Variants in ATRNL1 observed in about 807,000 individuals in gnomAD.
ATRNL1 encodes attractin like 1.
In ATRNL1, 95 loss-of-function variants were observed where a neutral mutation model predicts 182.7. That is an observed-to-expected ratio of 0.52 (90% confidence interval 0.44 to 0.62). ATRNL1 has a LOEUF of 0.62. Ranked by LOEUF, ATRNL1 falls within the 20% of genes least tolerant of loss-of-function variation. ATRNL1 has a pLI of 0.00. For synonymous variants in ATRNL1, 576 were observed against 568.3 expected (o/e 1.01, Z -0.19); for missense variants, 1,471 against 1,679.5 (o/e 0.88, Z 2.17).
intron 28 of ATRNL1, among the ~76,000 whole-genome samples, chr10:115,940,685 CTCTCTCTCTCTCT>C (rs1402740961): frequency 8.2e-4 from 49 of 59,502 alleles, no homozygotes; most frequent in East Asian, 2.3e-3. Context: ...CTCTCTCTCT[CTCTCTCTCTCTCT>C]TCTCTCTCTC....
intron 1 of ATRNL1, among the ~76,000 whole-genome samples, chr10:115,119,281 G>A (rs1281944161): frequency 1.3e-5 from 2 of 151,790 alleles, no homozygotes; most frequent in Non-Finnish European, 2.9e-5. Flanking sequence ...TGTATTTAAG[G>A]CTCTATACTA....
At chr10:115,258,903 G>A (rs536701251) in intron 10 of ATRNL1, among the ~76,000 whole-genome samples, 2 of 152,256 alleles carry the variant, frequency 1.3e-5, no homozygotes, top group East Asian at 3.9e-4. Context: ...GAGTTTGCTG[G>A]AGGTTCACTC....
intron 26 of ATRNL1, among the ~76,000 whole-genome samples, chr10:115,718,283 A>G (rs955253173): frequency 1.1e-4 from 16 of 152,180 alleles, no homozygotes; most frequent in Admixed American, 8.5e-4. Context: ...TCTGCACTGT[A>G]TCTTTCCTCT....
At chr10:115,171,476 T>C (rs1554885591) in intron 8 of ATRNL1, 184 bp downstream of exon 8, 1 of 478,488 alleles carries the variant, frequency 2.1e-6, no homozygotes. Context: ...TATTTAAGCT[T>C]ACCTTTTTAA....
chr10:115,727,162 A>G, intron 26 of ATRNL1, 86 bp from the exon 27 acceptor site: 1 of 896,064 alleles, frequency 1.1e-6, no homozygotes. Flanking sequence ...TTTCAATGCC[A>G]TTTGTTAAAA....
chr10:115,933,177 G>T (rs1252532325), intron 28 of ATRNL1, among the ~76,000 whole-genome samples: 3 of 152,220 alleles, frequency 2.0e-5, no homozygotes, highest in African/African-American at 7.2e-5. Flanking sequence ...CAACCAGGCT[G>T]TTCAGAGATT....
chr10:115,317,360 G>A (rs757727389), intron 18 of ATRNL1, among the ~76,000 whole-genome samples: 2 of 152,158 alleles, frequency 1.3e-5, no homozygotes, highest in African/African-American at 4.8e-5. Context: ...GCTTAGGATC[G>A]TCTTGGCTAT....
intron 21 of ATRNL1, among the ~76,000 whole-genome samples, chr10:115,427,381 C>T (rs7077977): frequency 0.012 from 1,779 of 152,128 alleles, 34 homozygotes; most frequent in African/African-American, 0.04. Context: ...AGATATATGA[C>T]TTGCAAATAT....
chr10:115,304,570 A>C (rs1050894497), intron 17 of ATRNL1, among the ~76,000 whole-genome samples: 3 of 152,174 alleles, frequency 2.0e-5, no homozygotes, highest in African/African-American at 7.2e-5. Context: ...CGAAAGAGGA[A>C]ACCCCAAGTG....
At chr10:115,309,741 A>C (rs1300306581) in intron 17 of ATRNL1, among the ~76,000 whole-genome samples, 2 of 152,104 alleles carry the variant, frequency 1.3e-5, no homozygotes, top group African/African-American at 4.8e-5. Context: ...TATACAGTAT[A>C]AAATCACTTC....
chr10:115,858,124 A>T (rs1236909501), intron 28 of ATRNL1, among the ~76,000 whole-genome samples: 1 of 152,212 alleles, frequency 6.6e-6, no homozygotes, highest in Non-Finnish European at 1.5e-5. Flanking sequence ...ATTGTGAAAG[A>T]CAGTATGGTA....
At chr10:115,472,357 ATTT>A (rs541639728) in intron 24 of ATRNL1, among the ~76,000 whole-genome samples, 4 of 150,496 alleles carry the variant, frequency 2.7e-5, no homozygotes, top group Non-Finnish European at 6.0e-5. Context: ...GAATTTAAAA[ATTT>A]TTTTTTCTAT....
intron 5 of ATRNL1, among the ~76,000 whole-genome samples, chr10:115,147,723 G>C (rs974172255): frequency 6.6e-6 from 1 of 152,066 alleles, no homozygotes; most frequent in African/African-American, 2.4e-5. Flanking sequence ...TTATTGAAGA[G>C]ACTGTGCTTT....
intron 18 of ATRNL1, among the ~76,000 whole-genome samples, chr10:115,329,943 A>G (rs1488323634): frequency 6.6e-6 from 1 of 152,038 alleles, no homozygotes; most frequent in Non-Finnish European, 1.5e-5. Context: ...TGTTTTGTAG[A>G]ACATTTCTTT....
At chr10:115,515,317 TC>T (rs1850582417) in intron 24 of ATRNL1, among the ~76,000 whole-genome samples, 1 of 122,708 alleles carries the variant, frequency 8.1e-6, no homozygotes, top group African/African-American at 2.6e-5. Context: ...GAATAGTTGT[TC>T]TTTTTTTTTT....
At chr10:115,830,957 GC>G (rs782063081) in intron 27 of ATRNL1, among the ~76,000 whole-genome samples, 7 of 152,078 alleles carry the variant, frequency 4.6e-5, no homozygotes, top group Non-Finnish European at 7.4e-5. Context: ...AGCAGGCCTT[GC>G]CTTTTTATCC....
chr10:115,857,113 T>G (rs1426243256), intron 28 of ATRNL1, among the ~76,000 whole-genome samples: 3 of 152,202 alleles, frequency 2.0e-5, no homozygotes, highest in Non-Finnish European at 4.4e-5. Flanking sequence ...TTTCTCTTCT[T>G]TATGATTTTC....
At chr10:115,260,814 AAGT>A (rs1192355066) in intron 10 of ATRNL1, among the ~76,000 whole-genome samples, 1 of 152,140 alleles carries the variant, frequency 6.6e-6, no homozygotes, top group Non-Finnish European at 1.5e-5. Flanking sequence ...AATCTCCATA[AAGT>A]ATTATGAATA....
intron 21 of ATRNL1, among the ~76,000 whole-genome samples, chr10:115,460,956 ATAAGGATACC>A (rs1847767081): frequency 6.6e-6 from 1 of 152,150 alleles, no homozygotes; most frequent in African/African-American, 2.4e-5. Flanking sequence ...ATTATCAGAT[ATAAGGATACC>A]TATAAATTCT....
Sources: gnomAD v4.1 joint callset for allele counts (sites outside exome capture counted in the v4.1 genomes callset) on GRCh38, gnomAD v4.1.1 for gene constraint, MANE v1.5 for transcripts, NCBI Gene and HGNC (gene_info 2026-07-23, HGNC 2026-07-21) for gene names.